The following PCDH15 variants were observed in gnomAD, a reference collection of about 807,000 sequenced individuals.
PCDH15 encodes protocadherin-15.
A neutral mutation model predicts 178.5 loss-of-function variants in PCDH15; 129 were observed. The observed-to-expected ratio is 0.72, with a 90% CI of 0.63 to 0.84. The LOEUF is 0.84. PCDH15 is among the 40% of genes least tolerant of loss of function. The pLI is 0.00. For synonymous variants in PCDH15, 800 were observed against 732.0 expected, an observed-to-expected ratio of 1.09 and a Z score of -1.50; for missense variants, 2,230 against 2,099.9, an observed-to-expected ratio of 1.06 and a Z score of -1.21.
rs549755244 is a variant in PCDH15, at chr10:54,360,650, A to G, written c.474+8470T>C. Among the ~76,000 whole-genome samples the G allele has an allele frequency of 3.3e-5, 5 of 152,234 alleles. No homozygotes were observed. In the South Asian group the frequency reaches 1.0e-3, roughly 32 times the overall value. On this transcript the variant is annotated intron_variant, in intron 5 of 37. Transcript: ENST00000644397. ...CAGTCAATTATAACTTTTTATAACC[A>G]TATAATCACATCTGCTTTTTCAGCC...
chr10:55,108,470 A>T (rs898069913), intron 2 of PCDH15, among the ~76,000 whole-genome samples: 14 of 152,354 alleles, frequency 9.2e-5, no homozygotes, highest in African/African-American at 3.1e-4. Flanking sequence ...CTAAATATGC[A>T]AAGTTGCAGC....
chr10:53,923,222 AT>A (rs1442810610), intron 25 of PCDH15, among the ~76,000 whole-genome samples: 1 of 152,188 alleles, frequency 6.6e-6, no homozygotes, highest in Non-Finnish European at 1.5e-5. Flanking sequence ...TAAAATAATG[AT>A]TTCCTCTAAA....
chr10:54,523,033 A>G (rs1281994695), intron 3 of PCDH15, among the ~76,000 whole-genome samples: 5 of 152,194 alleles, frequency 3.3e-5, no homozygotes, highest in African/African-American at 9.7e-5. Flanking sequence ...AAATTTTCAA[A>G]AGCAAACACA....
At chr10:54,034,743 C>T (rs1742002800) in intron 18 of PCDH15, among the ~76,000 whole-genome samples, 1 of 151,836 alleles carries the variant, frequency 6.6e-6, no homozygotes, top group South Asian at 2.1e-4. Context: ...TTCCTAGTAC[C>T]TTCCTGTGTG....
At chr10:54,679,695 A>G (rs1011534275) in intron 1 of PCDH15, among the ~76,000 whole-genome samples, 1 of 152,220 alleles carries the variant, frequency 6.6e-6, no homozygotes, top group East Asian at 1.9e-4. Flanking sequence ...GTTTATAGAA[A>G]GAAAAACTAA....
intron 20 of PCDH15, among the ~76,000 whole-genome samples, chr10:54,015,884 C>T (rs903131877): frequency 8.0e-5 from 5 of 62,870 alleles, no homozygotes; most frequent in Non-Finnish European, 1.8e-4. Context: ...TTAACAACAG[C>T]AAAAATTGAC....
At chr10:54,780,015 A>G (rs1187970490) in intron 1 of PCDH15, among the ~76,000 whole-genome samples, 1 of 152,178 alleles carries the variant, frequency 6.6e-6, no homozygotes, top group Non-Finnish European at 1.5e-5. Context: ...TATAAACAGC[A>G]GTGGTAAATT....
At chr10:55,617,535 A>C (rs1843503909) in intron 2 of PCDH15, among the ~76,000 whole-genome samples, 1 of 152,052 alleles carries the variant, frequency 6.6e-6, no homozygotes, top group African/African-American at 2.4e-5. Context: ...CTGAGCTTGA[A>C]TGTAAGATCT....
At chr10:54,357,210 GA>G (rs1413608447) in intron 5 of PCDH15, among the ~76,000 whole-genome samples, 1 of 152,118 alleles carries the variant, frequency 6.6e-6, no homozygotes, top group Non-Finnish European at 1.5e-5. Flanking sequence ...AGGAAAAGAG[GA>G]AGTCAAATTG....
rs143100738 is a variant in PCDH15, at chr10:54,814,463, TA to T, written c.-29+82986del. On this transcript the variant is annotated intron_variant, in intron 3 of 5. Transcript: ENST00000458638. Reference sequence around the variant, plus strand: ...GTGTATGATTTCTATTTAGTCTTTATAATAACCCTTCAATGTGGTCATTATA... The same window carrying T: ...GTGTATGATTTCTATTTAGTCTTTATATAACCCTTCAATGTGGTCATTATA... Among the ~76,000 whole-genome samples the T allele has an allele frequency of 3.7e-3, 561 of 152,292 alleles. 1 individual carries two copies. Among genetic ancestry groups the T allele is most frequent in the African/African-American group, 0.013 (539 of 41,572 alleles).
At chr10:54,053,230 A>G (rs2135658736) in intron 18 of PCDH15, among the ~76,000 whole-genome samples, 1 of 152,326 alleles carries the variant, frequency 6.6e-6, no homozygotes. Flanking sequence ...CTTGTGAGGT[A>G]AGACAAATAT....
chr10:54,349,168 A>C lies in PCDH15; in HGVS notation c.475-2684T>G, dbSNP rs113110145. ...GTATCGTCTGTGGAAATTTTGAGGAAATAAAGGGGGTGCCCATGCCTTTCA... is the reference window on the plus strand; with the variant it reads ...GTATCGTCTGTGGAAATTTTGAGGACATAAAGGGGGTGCCCATGCCTTTCA... On this transcript the variant is annotated intron_variant, in intron 5 of 37. Transcript: ENST00000644397. 6.3e-3 allele frequency among the ~76,000 whole-genome samples: 967 copies of C among 152,318 alleles called. 13 individuals carry two copies. Among genetic ancestry groups the C allele is most frequent in the African/African-American group, 0.022 (913 of 41,570 alleles).
chr10:55,519,302 C>T (rs1283706602), intron 2 of PCDH15, among the ~76,000 whole-genome samples: 2 of 126,362 alleles, frequency 1.6e-5, no homozygotes, highest in South Asian at 2.5e-4. Context: ...AAAAAAAAAC[C>T]CAATAGATTA....
intron 6 of PCDH15, among the ~76,000 whole-genome samples, chr10:54,333,627 A>T (rs549457879): frequency 5.9e-4 from 88 of 150,256 alleles, no homozygotes; most frequent in African/African-American, 2.1e-3. Flanking sequence ...TAAATACATG[A>T]TAAAGCCATG....
At chr10:53,876,229 C>G (rs1051098127) in intron 26 of PCDH15, among the ~76,000 whole-genome samples, 21 of 144,556 alleles carry the variant, frequency 1.5e-4, no homozygotes, top group African/African-American at 4.6e-4. Context: ...TGCTCTGTCA[C>G]CAGGATGGAG....
At chr10:54,641,378 C>A (rs2093984563) in intron 2 of PCDH15, among the ~76,000 whole-genome samples, 1 of 152,116 alleles carries the variant, frequency 6.6e-6, no homozygotes, top group African/African-American at 2.4e-5. Flanking sequence ...AGATCTAGAT[C>A]CAGTAGTTAT....
At chr10:55,447,289 A>G (rs1429218739) in intron 2 of PCDH15, among the ~76,000 whole-genome samples, 1 of 152,178 alleles carries the variant, frequency 6.6e-6, no homozygotes, top group African/African-American at 2.4e-5. Flanking sequence ...TAGAGAAATG[A>G]TTTAAAAACT....
At chr10:54,155,684 T>C (rs10458669) in intron 13 of PCDH15, among the ~76,000 whole-genome samples, 39,530 of 151,554 alleles carry the variant, frequency 0.26, 6,386 homozygotes, top group East Asian at 0.87. Context: ...CCTTTTTTTT[T>C]TTAAACCTCA....
At chr10:54,851,632 T>C (rs1953622369) in intron 3 of PCDH15, among the ~76,000 whole-genome samples, 1 of 152,172 alleles carries the variant, frequency 6.6e-6, no homozygotes, top group Non-Finnish European at 1.5e-5. Context: ...TCTCCCTTTG[T>C]CACCCAGGCT....
Sources: gnomAD v4.1 joint callset for allele counts (sites outside exome capture counted in the v4.1 genomes callset) on GRCh38, gnomAD v4.1.1 for gene constraint, MANE v1.5 for transcripts, NCBI Gene and HGNC (gene_info 2026-07-23, HGNC 2026-07-21) for gene names.